Variants in ESPL1 observed in about 807,000 individuals in gnomAD.
ESPL1 encodes the protein separin.
In ESPL1, 50 loss-of-function variants were observed where a neutral mutation model predicts 217.2. That is an observed-to-expected ratio of 0.23 (90% CI 0.18 to 0.29). The LOEUF is 0.29. Ranked by LOEUF, ESPL1 falls within the 10% of genes least tolerant of loss-of-function variation. ESPL1 has a pLI of 1.00. For synonymous variants in ESPL1, 994 were observed against 1,081.3 expected, an observed-to-expected ratio of 0.92 and a Z score of 1.58; for missense variants, 1,834 against 2,603.0, an observed-to-expected ratio of 0.70 and a Z score of 6.43.
Position 53,270,379 on chromosome 12 carries a change from T to C in ESPL1, c.1145T>C (p.Val382Ala), listed in dbSNP as rs758151778. The change falls in exon 4 of 31, where the codon GTG becomes GCG. Residue 382 changes from valine to alanine, a missense_variant and splice_region_variant. Physicochemically the swap from Val to Ala is moderately conservative, Grantham distance 64. This residue lies in a region of ESPL1 where 746 missense variants were observed against 1,077.0 expected (regional missense o/e 0.69). Coordinates refer to ENST00000257934, the MANE Select transcript of ESPL1 (RefSeq NM_012291.5). ...CCAACCTTCCGCTTCCTTCCTCAGG[T>C]GTATGGGGGCTCCTCCAAGCAACAG... ...SLLQQLRDDG[V>A]YGGSSKQQQS... The C allele has an allele frequency of 5.0e-6, 8 of 1,606,696 alleles. No individual in the cohort carries two copies. In the African/African-American group the frequency reaches 1.1e-4, roughly 22 times the overall value.
intron 1 of ESPL1, 74 bp from the exon 2 acceptor site, chr12:53,268,681 C>A: frequency 2.3e-6 from 2 of 863,178 alleles, no homozygotes; most frequent in Non-Finnish European, 1.8e-6. Flanking sequence ...CCTCCTTCCA[C>A]GACCTTCAGC....
intron 1 of ESPL1, among the ~76,000 whole-genome samples, 176 bp from the exon 2 acceptor site, chr12:53,268,579 A>G (rs1449603996): frequency 6.6e-6 from 1 of 152,186 alleles, no homozygotes; most frequent in Non-Finnish European, 1.5e-5. Flanking sequence ...ATCTGCCCGG[A>G]GGAAGGAAGA....
At chr12:53,268,420 T>C (rs1943606288) in intron 1 of ESPL1, 43 bp downstream of exon 1, 1 of 276,088 alleles carries the variant, frequency 3.6e-6, no homozygotes, top group Non-Finnish European at 6.9e-6. Context: ...CGTGCTGAAG[T>C]GAAGGGGATC....
chr12:53,269,340 G>A lies in ESPL1; in HGVS notation c.398G>A (p.Arg133His), dbSNP rs371445719. 9.3e-6 allele frequency: 15 copies of A among 1,613,976 alleles called. No individual in the cohort carries two copies. The highest frequency in any genetic ancestry group is 6.7e-5 in the African/African-American group (5 of 74,936). Residue 133 changes from arginine to histidine, a missense_variant, in exon 3 of 31, where the codon CGC becomes CAC. By Grantham distance (29) the Arg-to-His change is conservative. Coordinates refer to ENST00000257934, the MANE Select transcript of ESPL1 (RefSeq NM_012291.5). The surrounding 1 kb of genome is among the most constrained non-coding windows in gnomAD (Gnocchi z 6.7). ...CATGCCTGCTTGGTGCAGTGCTCTC[G>A]CGAGGCTGCTCCCCAGGACTATGAG... ...PLHACLVQCS[R>H]EAAPQDYEAV...
rs2121014453 is a variant in ESPL1, at chr12:53,293,476, C to A, written c.*2C>A. 1 of 1,610,656 alleles carries A rather than the reference C, an allele frequency of 6.2e-7. No individual in the cohort carries two copies. Among genetic ancestry groups the A allele is most frequent in the East Asian group, 2.2e-5 (1 of 44,858 alleles). ...GGCTTGCCTGTCTCTCTGCGGTAAC[C>A]CCATGGAGCTGTCTTATTGATGCTA... On this transcript the variant is annotated 3_prime_UTR_variant, in exon 31 of 31. Transcript: ENST00000257934. The surrounding 1 kb of genome is among the most constrained non-coding windows in gnomAD (Gnocchi z 4.2).
rs529741520 is a variant in ESPL1, at chr12:53,289,178, C to G, written c.4797C>G (p.His1599Gln). 1.1e-5 allele frequency: 17 copies of G among 1,614,196 alleles called. No individual in the cohort carries two copies. The South Asian group carries it at 1.8e-4, about 17-fold the overall frequency. The part of the protein sequence containing the change: ...SHCPPSGLYA[H>Q]LCRFLALCLG... ...GTCCTCCTAGTGGGCTCTATGCCCA[C>G]CTCTGCCGCTTCCTGGCCTTGTGCC... Residue 1599 changes from histidine to glutamine, a missense_variant, in exon 21 of 31, where the codon CAC becomes CAG. His to Gln is a conservative substitution (Grantham distance 24, BLOSUM62 0). This residue lies in a region of ESPL1 where 681 missense variants were observed against 808.0 expected (regional missense o/e 0.84). Transcript: ENST00000257934.
intron 1 of ESPL1, 126 bp downstream of exon 1, chr12:53,268,503 G>A (rs1592473002): frequency 2.1e-6 from 1 of 471,548 alleles, no homozygotes; most frequent in East Asian, 4.0e-5. Flanking sequence ...ACTGCCCCGG[G>A]CCGCTGAAGG....
At chr12:53,288,515 A>G in intron 19 of ESPL1, 23 bp from the exon 20 acceptor site, 2 of 1,594,982 alleles carry the variant, frequency 1.3e-6, no homozygotes, top group Non-Finnish European at 1.7e-6. Flanking sequence ...GAGCACTGTG[A>G]AAAAGGCCTG....
intron 11 of ESPL1, 25 bp from the exon 12 acceptor site, chr12:53,279,707 A>C (rs1943829443): frequency 6.2e-7 from 1 of 1,613,866 alleles, no homozygotes; most frequent in Admixed American, 1.7e-5. Context: ...GGGGTGGAGT[A>C]AACTTGGCTG....
chr12:53,274,558 G>A, intron 6 of ESPL1: 1 of 371,180 alleles, frequency 2.7e-6, no homozygotes, highest in Non-Finnish European at 4.9e-6. Flanking sequence ...CATTTGCTGA[G>A]AAGGATTACA....
At chr12:53,291,941 A>G in intron 26 of ESPL1, 43 bp from the exon 27 acceptor site, 1 of 1,607,638 alleles carries the variant, frequency 6.2e-7, no homozygotes, top group Non-Finnish European at 8.5e-7. Context: ...ACTTCTGCAT[A>G]TACCTGGCTG....
At position 53,276,617 on chromosome 12, in the gene ESPL1, C is replaced by T; in HGVS notation, c.1701-3C>T. 1 of 1,606,466 alleles carries T rather than the reference C, an allele frequency of 6.2e-7. No individual in the cohort carries two copies. The highest frequency in any genetic ancestry group is 1.3e-5 in the African/African-American group (1 of 74,878). ...CCCTGGTGCTGAGCATGCCCTCTCTCAGGACTCTGCGAGACAGCCTCAGTG... is the reference window on the plus strand; with the variant it reads ...CCCTGGTGCTGAGCATGCCCTCTCTTAGGACTCTGCGAGACAGCCTCAGTG... On this transcript the variant is annotated splice_region_variant and splice_polypyrimidine_tract_variant and intron_variant, in intron 7 of 30. Coordinates refer to ENST00000257934, the MANE Select transcript of ESPL1 (RefSeq NM_012291.5).
chr12:53,276,595 T>C, intron 7 of ESPL1, 25 bp from the exon 8 acceptor site: 1 of 1,582,262 alleles, frequency 6.3e-7, no homozygotes, highest in Non-Finnish European at 8.6e-7. Context: ...GGTTCCACCC[T>C]GGTGCTGAGC....
In ESPL1 at chr12:53,269,268, C is replaced by T; in HGVS notation, c.326C>T (p.Ala109Val). 1 of 1,614,238 alleles carries T rather than the reference C, an allele frequency of 6.2e-7. No homozygotes were observed. Among genetic ancestry groups the T allele is most frequent in the Admixed American group, 1.7e-5 (1 of 60,034 alleles). ...RILFVLLRNA[A>V]AQGSPEATLR... ...CTCTTTGTCTTACTGCGGAATGCTG[C>T]TGCACAAGGAAGCCCAGAGGCCACA... The change falls in exon 3 of 31, where the codon GCT becomes GTT. Residue 109 changes from alanine (A) to valine (V), a missense_variant. By Grantham distance (64) the Ala-to-Val change is moderately conservative. Around this residue, in one of 5 missense-constraint regions of ESPL1, gnomAD observed 746 missense variants for 1,077.0 expected, o/e 0.69. Coordinates refer to ENST00000257934, the MANE Select transcript of ESPL1 (RefSeq NM_012291.5). The surrounding 1 kb of genome is among the most constrained non-coding windows in gnomAD (Gnocchi z 6.7).
At position 53,286,108 on chromosome 12, in the gene ESPL1, C is replaced by T; in HGVS notation, c.3372C>T (p.Asn1124=). 2.5e-6 allele frequency: 4 copies of T among 1,613,590 alleles called. No homozygotes were observed. The highest frequency in any genetic ancestry group is 1.7e-4 in the Middle Eastern group (1 of 6,060). Residue 1124 remains asparagine, a synonymous_variant, in exon 18 of 31, where the codon AAC becomes AAT. Transcript: ENST00000257934. This position sits in a 1 kb window ranked among gnomAD's most constrained non-coding sequence, Gnocchi z 5.3. The stretch of plus-strand genomic sequence containing the variant: ...CTGGCCCCATAGCACCTTCTACAAA[C>T]TCCTCCCCAGTCTTGAAAACCAAGC... The part of the protein sequence containing the change: ...KEPGPIAPST[N]SSPVLKTKPQ...
Position 53,282,302 on chromosome 12 carries a change from G to C in ESPL1, c.2658G>C (p.Arg886=). The C allele has an allele frequency of 6.2e-7, 1 of 1,614,036 alleles. No homozygotes were observed. Among genetic ancestry groups the C allele is most frequent in the Non-Finnish European group, 8.5e-7 (1 of 1,180,008 alleles). The stretch of plus-strand genomic sequence containing the variant: ...TCTCTCTGCTGCTGTCTGTGCTTCG[G>C]GATCCTGCCCTCCAGAAGTCCTCCA... ...KGVSLLLSVL[R]DPALQKSSKA... Residue 886 remains arginine, a synonymous_variant, in exon 14 of 31, where the codon CGG becomes CGC. Coordinates refer to ENST00000257934, the MANE Select transcript of ESPL1 (RefSeq NM_012291.5). The surrounding 1 kb of genome is among the most constrained non-coding windows in gnomAD (Gnocchi z 4.0).
In ESPL1 at chr12:53,282,999, T is replaced by G; in HGVS notation, c.2792-130T>G. 3.3e-6 allele frequency: 4 copies of G among 1,198,356 alleles called. No homozygotes were observed. The highest frequency in any genetic ancestry group is 2.0e-5 in the Admixed American group (1 of 49,048). 74.2% of individuals were successfully genotyped at this position (1,198,356 alleles called of 1,614,324 possible). A position where few individuals can be genotyped will look rare whatever the true frequency, so the allele number is the denominator to read the frequency against. On this transcript the variant is annotated intron_variant, in intron 14 of 30. Transcript: ENST00000257934. This position sits in a 1 kb window ranked among gnomAD's most constrained non-coding sequence, Gnocchi z 4.0. ...CCCAGGGGATCTCAGAGGGAAGGAGTTATGAGATTGATTAGCTCTGCCTGC... is the reference window on the plus strand; with the variant it reads ...CCCAGGGGATCTCAGAGGGAAGGAGGTATGAGATTGATTAGCTCTGCCTGC...
rs12367362 is a variant in ESPL1, at chr12:53,281,591, C to G, written c.2584C>G (p.Leu862Val). 6.2e-7 allele frequency: 1 copy of G among 1,613,754 alleles called. No individual in the cohort carries two copies. The highest frequency in any genetic ancestry group is 8.5e-7 in the Non-Finnish European group (1 of 1,179,804). ...TYLLLSLTCD[L>V]LRSQLYWTHQ... ...CCTGCTCCTTTCCCTGACCTGTGAT[C>G]TGCTTCGAAGTCAACTCTACTGGAC... is the stretch of plus-strand genomic sequence containing the variant. Residue 862 changes from leucine (L) to valine (V), a missense_variant, in exon 13 of 31, where the codon CTG (leucine) becomes GTG (valine). Around this residue, in one of 5 missense-constraint regions of ESPL1, gnomAD observed 746 missense variants for 1,077.0 expected, o/e 0.69. Coordinates refer to ENST00000257934, the MANE Select transcript of ESPL1 (RefSeq NM_012291.5).
chr12:53,286,392 T>C lies in ESPL1; in HGVS notation c.3656T>C (p.Leu1219Ser). The change falls in exon 18 of 31, where the codon TTG (leucine) becomes TCG (serine). Residue 1219 changes from leucine to serine, a missense_variant. Physicochemically the swap from Leu to Ser is moderately radical, Grantham distance 145. Coordinates refer to ENST00000257934, the MANE Select transcript of ESPL1 (RefSeq NM_012291.5). The surrounding 1 kb of genome is among the most constrained non-coding windows in gnomAD (Gnocchi z 5.3). Reference sequence around the variant, plus strand: ...CCCCCCTCCTTGGTTCCAAGCCTCTTGGATGAGATCTTGGCTCAAGCATAC... The same window carrying C: ...CCCCCCTCCTTGGTTCCAAGCCTCTCGGATGAGATCTTGGCTCAAGCATAC... ...KTPPSLVPSL[L>S]DEILAQAYTL... The C allele has an allele frequency of 6.2e-7, 1 of 1,614,184 alleles. No homozygotes were observed. The highest frequency in any genetic ancestry group is 8.5e-7 in the Non-Finnish European group (1 of 1,180,038).
Sources: gnomAD v4.1 joint callset for allele counts (sites outside exome capture counted in the v4.1 genomes callset) on GRCh38, gnomAD v4.1.1 for gene constraint, gnomAD v4.1.1 regional missense constraint, Gnocchi (gnomAD v3.1) non-coding constraint, MANE v1.5 for transcripts, NCBI Gene and HGNC (gene_info 2026-07-23, HGNC 2026-07-21) for gene names.